ADAMTSL1: variants seen among roughly 807,000 people sequenced by gnomAD.
ADAMTSL1 encodes ADAMTS like 1.
ADAMTSL1 carries 126 observed loss-of-function variants against 201.8 expected under a neutral mutation model. The ratio of observed to expected loss-of-function variants is 0.62; its 90% CI spans 0.54 to 0.72. The LOEUF is 0.72. Ranked by LOEUF, ADAMTSL1 falls within the 30% of genes least tolerant of loss-of-function variation. The pLI, the probability that ADAMTSL1 is intolerant of heterozygous loss-of-function variation, is 0.00. For missense variants in ADAMTSL1, 2,679 were observed against 2,277.8 expected, an observed-to-expected ratio of 1.18 and a Z score of -3.59; for synonymous variants, 1,121 against 903.4, an observed-to-expected ratio of 1.24 and a Z score of -4.32.
At chr9:18,115,728 C>A (rs143520499) in intron 1 of ADAMTSL1, among the ~76,000 whole-genome samples, 333 of 152,140 alleles carry the variant, frequency 2.2e-3, no homozygotes, top group African/African-American at 7.8e-3. Context: ...TTGTTCATGG[C>A]CACATAGCCT....
intron 1 of ADAMTSL1, among the ~76,000 whole-genome samples, chr9:17,974,150 G>A (rs913171629): frequency 3.9e-5 from 6 of 151,920 alleles, no homozygotes; most frequent in Non-Finnish European, 7.4e-5. Context: ...TACTGAATGG[G>A]CAAAAACTGG....
intron 1 of ADAMTSL1, among the ~76,000 whole-genome samples, chr9:18,489,352 T>C (rs1046510752): frequency 2.0e-5 from 3 of 152,186 alleles, no homozygotes; most frequent in South Asian, 2.1e-4. Flanking sequence ...GAATGCACTT[T>C]GTAAATTGTT....
At chr9:18,748,919 G>T (rs1013639710) in intron 15 of ADAMTSL1, among the ~76,000 whole-genome samples, 2 of 152,158 alleles carry the variant, frequency 1.3e-5, no homozygotes, top group Non-Finnish European at 2.9e-5. Flanking sequence ...AAACCTATAA[G>T]GAGAGTCCTT....
At chr9:18,026,092 G>C (rs1820683276) in intron 1 of ADAMTSL1, among the ~76,000 whole-genome samples, 1 of 151,806 alleles carries the variant, frequency 6.6e-6, no homozygotes, top group South Asian at 2.1e-4. Context: ...GTCATTATTA[G>C]TTCCAGGAGC....
chr9:18,673,201 C>A (rs1017996543), intron 9 of ADAMTSL1, among the ~76,000 whole-genome samples: 22 of 151,840 alleles, frequency 1.4e-4, no homozygotes, highest in African/African-American at 5.1e-4. Flanking sequence ...AAATTACATT[C>A]TTTTTCATTA....
intron 1 of ADAMTSL1, among the ~76,000 whole-genome samples, chr9:18,135,814 C>T (rs992768585): frequency 2.6e-5 from 4 of 152,108 alleles, no homozygotes; most frequent in Non-Finnish European, 5.9e-5. Context: ...GTGCTGTCTT[C>T]CTGAGGAGAA....
At position 17,962,200 on chromosome 9, in the gene ADAMTSL1, C is replaced by CA. The variant is rs1817783992; in HGVS notation, c.87+55279dup. Among the ~76,000 whole-genome samples the CA allele has an allele frequency of 2.0e-5, 3 of 152,212 alleles. No individual in the cohort carries two copies. In the South Asian group the frequency reaches 6.2e-4, roughly 32 times the overall value. The stretch of plus-strand genomic sequence containing the variant: ...GGGTGAAACCAGAACCCAGGCTTAC[C>CA]AGCCTTAGTTTAAACCTACCTGAAG... On this transcript the variant is annotated intron_variant, in intron 1 of 29. Coordinates refer to the ADAMTSL1 transcript ENST00000680146.
chr9:18,509,041 G>A (rs1008459914), intron 2 of ADAMTSL1, among the ~76,000 whole-genome samples: 8 of 129,964 alleles, frequency 6.2e-5, no homozygotes, highest in Non-Finnish European at 1.3e-4. Context: ...AAAATTAGCC[G>A]GGCGCGGTGG....
chr9:18,673,200 T>G (rs10116116), intron 9 of ADAMTSL1, among the ~76,000 whole-genome samples: 5,828 of 152,192 alleles, frequency 0.038, 300 homozygotes, highest in African/African-American at 0.12. Context: ...GAAATTACAT[T>G]CTTTTTCATT....
intron 23 of ADAMTSL1, among the ~76,000 whole-genome samples, chr9:18,863,920 C>T (rs890070693): frequency 6.6e-6 from 1 of 152,214 alleles, no homozygotes; most frequent in African/African-American, 2.4e-5. Flanking sequence ...AGACTGACTA[C>T]ACCAAGTGCC....
intron 2 of ADAMTSL1, among the ~76,000 whole-genome samples, chr9:18,312,340 G>A: frequency 6.6e-6 from 1 of 152,226 alleles, no homozygotes; most frequent in Non-Finnish European, 1.5e-5. Context: ...TTGAGCAAAA[G>A]TGCTGGAGTT....
chr9:18,523,523 A>C (rs561793659), intron 2 of ADAMTSL1, among the ~76,000 whole-genome samples: 1 of 152,148 alleles, frequency 6.6e-6, no homozygotes, highest in South Asian at 2.1e-4. Flanking sequence ...GCCCATGCCT[A>C]TGTCCTGAAT....
At chr9:18,381,415 G>T (rs1301987218) in intron 2 of ADAMTSL1, among the ~76,000 whole-genome samples, 1 of 152,088 alleles carries the variant, frequency 6.6e-6, no homozygotes, top group African/African-American at 2.4e-5. Flanking sequence ...ACAAATATTA[G>T]TCCTATTTTA....
At chr9:18,211,788 G>C (rs1563810899) in intron 2 of ADAMTSL1, among the ~76,000 whole-genome samples, 1 of 152,148 alleles carries the variant, frequency 6.6e-6, no homozygotes, top group Non-Finnish European at 1.5e-5. Context: ...CACTTTACAA[G>C]TATTGCTTCA....
chr9:18,409,423 A>G (rs1420613667), intron 2 of ADAMTSL1, among the ~76,000 whole-genome samples: 1 of 151,320 alleles, frequency 6.6e-6, no homozygotes, highest in Non-Finnish European at 1.5e-5. Context: ...AAAGAAAAAG[A>G]AAACTGACAT....
intron 2 of ADAMTSL1, among the ~76,000 whole-genome samples, chr9:18,198,004 G>A (rs962522287): frequency 1.9e-4 from 29 of 152,204 alleles, no homozygotes; most frequent in African/African-American, 7.0e-4. Flanking sequence ...ACAAGCAATG[G>A]GGAAAGGATT....
rs753693124 is a variant in ADAMTSL1 at position 18,495,469 on chromosome 9, G to C, written c.64-9360G>C. On this transcript the variant is annotated intron_variant, in intron 1 of 28. Transcript: ENST00000380548. Reference sequence around the variant, plus strand: ...TACCTTACATGGTTTCCTAGCCCCAGAGCACCTCCTAGATAGCTAAGAGAC... The same window carrying C: ...TACCTTACATGGTTTCCTAGCCCCACAGCACCTCCTAGATAGCTAAGAGAC... 3.3e-4 allele frequency among the ~76,000 whole-genome samples: 50 copies of C among 152,096 alleles called. 1 individual carries two copies. Among genetic ancestry groups the C allele is most frequent in the Non-Finnish European group, 5.7e-4 (39 of 68,006 alleles).
chr9:18,501,570 C>A (rs2131909990), intron 1 of ADAMTSL1, among the ~76,000 whole-genome samples: 1 of 147,906 alleles, frequency 6.8e-6, no homozygotes, highest in African/African-American at 2.5e-5. Flanking sequence ...GGGCCAGACA[C>A]AAAATTTGTT....
intron 23 of ADAMTSL1, among the ~76,000 whole-genome samples, chr9:18,832,545 G>A (rs1020203110): frequency 6.6e-6 from 1 of 152,200 alleles, no homozygotes; most frequent in Admixed American, 6.5e-5. Context: ...GATAGTGGGA[G>A]AGATTTAATG....
Sources: gnomAD v4.1 joint callset for allele counts (sites outside exome capture counted in the v4.1 genomes callset) on GRCh38, gnomAD v4.1.1 for gene constraint, MANE v1.5 for transcripts, NCBI Gene and HGNC (gene_info 2026-07-23, HGNC 2026-07-21) for gene names.